Variants in AGAP6 observed in about 807,000 individuals in gnomAD.
AGAP6 encodes the protein ArfGAP with GTPase domain, ankyrin repeat and PH domain 6, also known as arf-GAP with GTPase, ANK repeat and PH domain-containing protein 6.
AGAP6 carries 29 observed loss-of-function variants against 63.9 expected under a neutral mutation model. The observed-to-expected ratio is 0.45, with a 90% CI of 0.34 to 0.62. The LOEUF (loss-of-function observed/expected upper bound fraction) is 0.62. Among genes scored for constraint, AGAP6 ranks in the 20% least tolerant of loss-of-function variants. The pLI is 0.01. For missense variants in AGAP6, 493 were observed against 884.9 expected (o/e 0.56, Z 5.62); for synonymous variants, 199 against 332.9 (o/e 0.60, Z 4.38).
At chr10:49,991,405 T>TA (rs1554860870) in intron 2 of AGAP6, among the ~76,000 whole-genome samples, 5 of 149,760 alleles carry the variant, frequency 3.3e-5, no homozygotes, top group East Asian at 2.0e-4. Context: ...TTTTTTTTTT[T>TA]AATAAAGGAG....
At chr10:49,990,236 C>T (rs1841214912) in intron 2 of AGAP6, among the ~76,000 whole-genome samples, 1 of 151,938 alleles carries the variant, frequency 6.6e-6, no homozygotes, top group African/African-American at 2.4e-5. Context: ...GTCAGGAGTT[C>T]GAGACCAGCC....
rs1554864785 is a variant in AGAP6 at position 50,009,123 on chromosome 10, T to C, written c.998T>C (p.Leu333Pro). 6.2e-7 allele frequency: 1 copy of C among 1,613,990 alleles called. No homozygotes were observed. Among genetic ancestry groups the C allele is most frequent in the Admixed American group, 1.7e-5 (1 of 60,018 alleles). ...MKNIHKKEID[L>P]QTSTIKVPGK... ...AATATTCATAAAAAAGAGATTGACC[T>C]TCAGACATCTACCATCAAAGTCCCA... is the stretch of plus-strand genomic sequence containing the variant. Residue 333 changes from leucine (L) to proline (P), a missense_variant, in exon 8 of 8, where the codon CTT becomes CCT. By Grantham distance (98) the Leu-to-Pro change is moderately conservative (BLOSUM62 -3). Transcript: ENST00000412531.
At chr10:50,004,224 C>T (rs554748312) in intron 5 of AGAP6, among the ~76,000 whole-genome samples, 593 of 137,100 alleles carry the variant, frequency 4.3e-3, no homozygotes, top group Non-Finnish European at 6.2e-3. Flanking sequence ...AGCATAGTGG[C>T]GCAAACTTGT....
Position 50,009,744 on chromosome 10 carries a change from C to G in AGAP6, c.1619C>G (p.Ala540Gly), listed in dbSNP as rs1351814154. ...ATGTCATCTATTGTCAATGACCTAG[C>G]CAACAGCATCTGGGAAGGGAGCAGC... ...KVMSSIVNDL[A>G]NSIWEGSSQG... Residue 540 changes from alanine (A) to glycine (G), a missense_variant, in exon 8 of 8, where the codon GCC (alanine) becomes GGC (glycine). This residue lies in a region of AGAP6 where 87 missense variants were observed against 92.9 expected (regional missense o/e 0.94). Coordinates refer to ENST00000412531, the MANE Select transcript of AGAP6 (RefSeq NM_001077665.3). 1.2e-6 allele frequency: 2 copies of G among 1,613,996 alleles called. No homozygotes were observed. The highest frequency in any genetic ancestry group is 1.7e-6 in the Non-Finnish European group (2 of 1,180,014).
rs782654601 is a variant in AGAP6, at chr10:50,009,246, C to A, written c.1121C>A (p.Ser374Tyr). The change falls in exon 8 of 8, where the codon TCC (serine) becomes TAC (tyrosine). Residue 374 changes from serine to tyrosine, a missense_variant. Physicochemically the swap from Ser to Tyr is moderately radical, Grantham distance 144. Transcript: ENST00000412531. The part of the protein sequence containing the change: ...SKDMDTGLGD[S>Y]ICFSPSISST... ...GACATGGACACCGGGCTGGGTGACT[C>A]CATATGCTTCAGCCCCAGTATCTCC... The A allele has an allele frequency of 6.4e-4, 1,040 of 1,614,070 alleles. No individual in the cohort carries two copies. Among genetic ancestry groups the A allele is most frequent in the Non-Finnish European group, 8.4e-4 (987 of 1,180,046 alleles).
chr10:50,008,002 T>A (rs1554864219), intron 6 of AGAP6, 23 bp from the exon 7 acceptor site: 1 of 1,611,904 alleles, frequency 6.2e-7, no homozygotes, highest in African/African-American at 1.3e-5. Flanking sequence ...GTTTTTGAAG[T>A]AATGCGCTTT....
chr10:50,003,584 A>G (rs555357124), intron 5 of AGAP6, among the ~76,000 whole-genome samples: 3 of 152,278 alleles, frequency 2.0e-5, no homozygotes, highest in South Asian at 4.2e-4. Context: ...CACCTGGGAA[A>G]CGTTTACCAA....
Position 49,989,887 on chromosome 10 carries a change from A to G in AGAP6, c.292+511A>G, listed in dbSNP as rs1244666165. On this transcript the variant is annotated intron_variant, in intron 2 of 7. Coordinates refer to ENST00000412531, the MANE Select transcript of AGAP6 (RefSeq NM_001077665.3). Reference sequence around the variant, plus strand: ...AGGCTCTGATTACTTTAAAATTCTTACTTTAACAGAAAATGTGTCTCCAGA... The same window carrying G: ...AGGCTCTGATTACTTTAAAATTCTTGCTTTAACAGAAAATGTGTCTCCAGA... Among the ~76,000 whole-genome samples, 11 of 152,298 alleles carry G rather than the reference A, an allele frequency of 7.2e-5. 1 individual carries two copies. The highest frequency in any genetic ancestry group is 7.2e-4 in the Admixed American group (11 of 15,302).
At chr10:50,003,622 A>C (rs1359814392) in intron 5 of AGAP6, among the ~76,000 whole-genome samples, 1 of 152,212 alleles carries the variant, frequency 6.6e-6, no homozygotes, top group African/African-American at 2.4e-5. Flanking sequence ...GCCATACCCA[A>C]TACTAATTAA....
intron 2 of AGAP6, 143 bp from the exon 3 acceptor site, chr10:49,991,533 T>G: frequency 8.4e-7 from 1 of 1,191,576 alleles, no homozygotes; most frequent in African/African-American, 1.5e-5. Context: ...CCTGGCTCTA[T>G]CTTATGTCTA....
In AGAP6 at chr10:50,004,197, CA is replaced by C. The variant is rs1179708288; in HGVS notation, c.498-479del. On this transcript the variant is annotated intron_variant, in intron 5 of 7. Transcript: ENST00000412531. ...CGAAACTCCACCCACCCCACCCCCC[CA>C]AAAAAAAATTATCTGAGCATAGTGG... is the stretch of plus-strand genomic sequence containing the variant. Among the ~76,000 whole-genome samples the C allele has an allele frequency of 4.0e-3, 591 of 147,620 alleles. 1 individual carries two copies. The highest frequency in any genetic ancestry group is 5.9e-3 in the Non-Finnish European group (396 of 66,880).
Position 49,988,951 on chromosome 10 carries a change from T to C in AGAP6, c.223+13T>C, listed in dbSNP as rs781838990. The stretch of plus-strand genomic sequence containing the variant: ...GAGATGCCTGAAGGTGAGGAGGTGA[T>C]AGGTGCCATCTACCCTCGGTTTGCC... On this transcript the variant is annotated intron_variant, in intron 1 of 7. Transcript: ENST00000412531. 5.2e-5 allele frequency: 83 copies of C among 1,601,304 alleles called. No homozygotes were observed. Among genetic ancestry groups the C allele is most frequent in the Non-Finnish European group, 5.3e-5 (62 of 1,179,446 alleles).
chr10:50,006,114 G>C (rs1841906421), intron 6 of AGAP6, among the ~76,000 whole-genome samples: 1 of 151,946 alleles, frequency 6.6e-6, no homozygotes, highest in Admixed American at 6.6e-5. Context: ...AGTACTCATT[G>C]ATCTTTCTTG....
intron 3 of AGAP6, among the ~76,000 whole-genome samples, chr10:49,992,446 G>A (rs1455786114): frequency 4.6e-5 from 7 of 152,160 alleles, no homozygotes; most frequent in Non-Finnish European, 7.3e-5. Flanking sequence ...AAGTAATGCA[G>A]CACAGTAAAA....
chr10:49,989,413 T>C (rs1564704769), intron 2 of AGAP6, 37 bp downstream of exon 2: 68 of 1,597,126 alleles, frequency 4.3e-5, no homozygotes, highest in Non-Finnish European at 5.6e-5. Context: ...TTTATTATCC[T>C]GTGGTACTTT....
In AGAP6 at chr10:50,009,617, A is replaced by G. The variant is rs202194597; in HGVS notation, c.1492A>G (p.Met498Val). The G allele has an allele frequency of 4.2e-4, 670 of 1,613,742 alleles. 1 individual carries two copies. Among genetic ancestry groups the G allele is most frequent in the Non-Finnish European group, 5.4e-4 (637 of 1,179,724 alleles). The change falls in exon 8 of 8, where the codon ATG becomes GTG. Residue 498 changes from methionine (M) to valine (V), a missense_variant. By Grantham distance (21) the Met-to-Val change is conservative. Around this residue, in one of 7 missense-constraint regions of AGAP6, gnomAD observed 87 missense variants for 92.9 expected, o/e 0.94. Transcript: ENST00000412531. ...KWASLNLGVL[M>V]CIECSGIHRS... The stretch of plus-strand genomic sequence containing the variant: ...GGCCAGTTTGAACTTGGGAGTCCTC[A>G]TGTGTATTGAATGCTCAGGTATCCA...
In AGAP6 at chr10:49,989,390, GTC is replaced by G; in HGVS notation, c.292+16_292+17del. On this transcript the variant is annotated intron_variant, in intron 2 of 7. Transcript: ENST00000412531. ...CTCAAACAGAAGGTGAGACAACAGTGTCTGTAGCTCTATTTATTATCCTGTGG... is the reference window on the plus strand; with the variant it reads ...CTCAAACAGAAGGTGAGACAACAGTGTGTAGCTCTATTTATTATCCTGTGG... 1 of 1,597,404 alleles carries G rather than the reference GTC, an allele frequency of 6.3e-7. No individual in the cohort carries two copies. Among genetic ancestry groups the G allele is most frequent in the South Asian group, 1.1e-5 (1 of 90,990 alleles).
chr10:49,990,207 G>A (rs1841213922), intron 2 of AGAP6, among the ~76,000 whole-genome samples: 1 of 152,166 alleles, frequency 6.6e-6, no homozygotes, highest in Admixed American at 6.5e-5. Context: ...GGGAGGCTGT[G>A]GCAGGCAGAT....
rs1554860085 is a variant in AGAP6, at chr10:49,988,782, T to C, written c.67T>C (p.Ser23Pro). ...CCTCGAGTTTGACCAGCAGCAGGGG[T>C]CGGTGTGTCCCTCTGAATCTGAGAC... is the stretch of plus-strand genomic sequence containing the variant. ...VSLEFDQQQG[S>P]VCPSESETYE... The change falls in exon 1 of 8, where the codon TCG becomes CCG. Residue 23 changes from serine to proline, a missense_variant. By Grantham distance (74) the Ser-to-Pro change is moderately conservative (BLOSUM62 -1). Around this residue, in one of 7 missense-constraint regions of AGAP6, gnomAD observed 342 missense variants for 533.4 expected, o/e 0.64. Transcript: ENST00000412531. 6.3e-7 allele frequency: 1 copy of C among 1,596,470 alleles called. No homozygotes were observed. Among genetic ancestry groups the C allele is most frequent in the Middle Eastern group, 2.2e-4 (1 of 4,516 alleles).
Sources: gnomAD v4.1 joint callset for allele counts (sites outside exome capture counted in the v4.1 genomes callset) on GRCh38, gnomAD v4.1.1 for gene constraint, gnomAD v4.1.1 regional missense constraint, MANE v1.5 for transcripts, NCBI Gene and HGNC (gene_info 2026-07-23, HGNC 2026-07-21) for gene names.